The following OR4D1 variants were observed in gnomAD, a reference collection of about 807,000 sequenced individuals.
The protein encoded by OR4D1 is olfactory receptor 4D1.
Under a neutral mutation model 14.2 loss-of-function variants are expected in OR4D1, and 10 were observed. That is an observed-to-expected ratio of 0.71 (90% confidence interval 0.44 to 1.20). The LOEUF (loss-of-function observed/expected upper bound fraction) is 1.20. OR4D1 is among the 50% of genes most tolerant of loss of function. The pLI is 0.00. For synonymous variants in OR4D1, 141 were observed against 147.4 expected (o/e 0.96, Z 0.32); for missense variants, 345 against 376.6 (o/e 0.92, Z 0.70).
rs138082759 is a variant in OR4D1 at position 58,155,318 on chromosome 17, CCA to C, written c.171_172del (p.Pro58HisfsTer30). On this transcript the variant is annotated frameshift_variant, in exon 4 of 4. Coordinates refer to ENST00000268912, the MANE Select transcript of OR4D1 (RefSeq NM_001386095.1). LOFTEE classifies it high-confidence loss of function. ...TCACAGTGACTTTTGACTGCCGGCT[CCA>C]CACACCCATGTATTTTCTGCTCCGA... is the stretch of plus-strand genomic sequence containing the variant. ...MVTVTFDCRLHTPMYFLLRNL... is the reference protein window; with the variant it reads ...MVTVTFDCRLXTPMYFLLRNL... The C allele has an allele frequency of 2.1e-3, 3,428 of 1,614,112 alleles. 52 individuals carry two copies. The African/African-American group carries it at 0.04, about 19-fold the overall frequency.
In OR4D1 at chr17:58,157,580, A is replaced by C; in HGVS notation, c.*1494A>C. 15 of 1,602,730 alleles carry C rather than the reference A, an allele frequency of 9.4e-6. No individual in the cohort carries two copies. Among genetic ancestry groups the C allele is most frequent in the Non-Finnish European group, 1.3e-5 (15 of 1,169,828 alleles). ...GGTCAAAATCTTGTTCCAGAACCGA[A>C]GGGCCAAGACGAAAAGACTGCAGGA... On this transcript the variant is annotated 3_prime_UTR_variant, in exon 4 of 4. Coordinates refer to ENST00000268912, the MANE Select transcript of OR4D1 (RefSeq NM_001386095.1).
At position 58,158,456 on chromosome 17, in the gene OR4D1, C is replaced by G. The variant is rs997059862; in HGVS notation, c.*2370C>G. 2.8e-5 allele frequency: 4 copies of G among 144,206 alleles called. No individual in the cohort carries two copies. Among genetic ancestry groups the G allele is most frequent in the African/African-American group, 5.1e-5 (2 of 39,302 alleles). The allele number at this position is 144,206 out of a possible 1,614,324, so 8.9% of individuals were successfully genotyped here. On this transcript the variant is annotated 3_prime_UTR_variant, in exon 4 of 4. Transcript: ENST00000268912. ...CTATCTCTCCCCACGCCCACCCCCC[C>G]CCCACACACACATTTTTACAGTTTT...
In OR4D1 at chr17:58,156,862, T is replaced by G. The variant is rs181441099; in HGVS notation, c.*776T>G. 2.1e-6 allele frequency: 1 copy of G among 473,040 alleles called. No individual in the cohort carries two copies. The highest frequency in any genetic ancestry group is 3.1e-5 in the Admixed American group (1 of 32,310). The allele number at this position is 473,040 out of a possible 1,614,324, so 29.3% of individuals were successfully genotyped here. On this transcript the variant is annotated 3_prime_UTR_variant, in exon 4 of 4. Coordinates refer to ENST00000268912, the MANE Select transcript of OR4D1 (RefSeq NM_001386095.1). ...TGCTTCATCTTAACTCTGGGACAGTTACATTCTTTTCTGCTCCCCACCTCC... is the reference window on the plus strand; with the variant it reads ...TGCTTCATCTTAACTCTGGGACAGTGACATTCTTTTCTGCTCCCCACCTCC...
At chr17:58,149,030 A>C (rs922559166) in intron 1 of OR4D1, among the ~76,000 whole-genome samples, 14 of 152,180 alleles carry the variant, frequency 9.2e-5, no homozygotes, top group African/African-American at 3.4e-4. Flanking sequence ...ATGACAACAG[A>C]CTAGATTCTA....
chr17:58,152,744 G>A lies in OR4D1; in HGVS notation c.-126-1113G>A, dbSNP rs148814733. Reference sequence around the variant, plus strand: ...GAGCTCAGGAGTTTGAAACCAGCAGGGGCAACATGACAGACCCTGTCTCTA... The same window carrying A: ...GAGCTCAGGAGTTTGAAACCAGCAGAGGCAACATGACAGACCCTGTCTCTA... On this transcript the variant is annotated intron_variant, in intron 2 of 3. Transcript: ENST00000268912. 1.9e-3 allele frequency among the ~76,000 whole-genome samples: 282 copies of A among 152,184 alleles called. 3 individuals carry two copies. The highest frequency in any genetic ancestry group is 6.4e-3 in the African/African-American group (264 of 41,496).
At chr17:58,152,894 C>A (rs1221662166) in intron 2 of OR4D1, among the ~76,000 whole-genome samples, 1 of 152,056 alleles carries the variant, frequency 6.6e-6, no homozygotes, top group Non-Finnish European at 1.5e-5. Context: ...GAGATTGCAC[C>A]ACTGCAGGCC....
intron 2 of OR4D1, among the ~76,000 whole-genome samples, chr17:58,150,191 A>G (rs1967683732): frequency 6.6e-6 from 1 of 150,730 alleles, no homozygotes; most frequent in Admixed American, 6.7e-5. Flanking sequence ...AAAGAAAGGT[A>G]GGAGCCTGTT....
chr17:58,151,244 GA>G (rs1261161282), intron 2 of OR4D1, among the ~76,000 whole-genome samples: 1 of 152,150 alleles, frequency 6.6e-6, no homozygotes, highest in Non-Finnish European at 1.5e-5. Context: ...AAAGGTTGAT[GA>G]AGATCTTTTT....
chr17:58,156,166 T>A lies in OR4D1; in HGVS notation c.*80T>A. On this transcript the variant is annotated 3_prime_UTR_variant, in exon 4 of 4. Transcript: ENST00000268912. ...CATGAAAAATGGAGGAAAGTCTTTA[T>A]AAAGCATAACAAATCAGATTACACT... 1 of 951,590 alleles carries A rather than the reference T, an allele frequency of 1.1e-6. No individual in the cohort carries two copies. The highest frequency in any genetic ancestry group is 1.5e-6 in the Non-Finnish European group (1 of 648,760). 58.9% of individuals were successfully genotyped at this position (951,590 alleles called of 1,614,324 possible). A position where few individuals can be genotyped will look rare whatever the true frequency, so the allele number is the denominator to read the frequency against.
Position 58,157,289 on chromosome 17 carries a change from G to T in OR4D1, c.*1203G>T, listed in dbSNP as rs1967789057. 25 of 1,504,304 alleles carry T rather than the reference G, an allele frequency of 1.7e-5. No homozygotes were observed. Among genetic ancestry groups the T allele is most frequent in the Non-Finnish European group, 2.2e-5 (25 of 1,125,114 alleles). The allele number at this position is 1,504,304 out of a possible 1,614,324, so 93.2% of individuals were successfully genotyped here. ...CGCACAGCCCCGGGCCGCTGATCAA[G>T]CCCTTCGAGACCGCCTCGGTCAAGT... On this transcript the variant is annotated 3_prime_UTR_variant, in exon 4 of 4. Transcript: ENST00000268912.
Position 58,156,376 on chromosome 17 carries a change from C to T in OR4D1, c.*290C>T, listed in dbSNP as rs1316767480. 4 of 281,632 alleles carry T rather than the reference C, an allele frequency of 1.4e-5. No homozygotes were observed. Among genetic ancestry groups the T allele is most frequent in the Admixed American group, 4.8e-5 (1 of 20,704 alleles). 17.4% of individuals were successfully genotyped at this position (281,632 alleles called of 1,614,324 possible). A position where few individuals can be genotyped will look rare whatever the true frequency, so the allele number is the denominator to read the frequency against. On this transcript the variant is annotated 3_prime_UTR_variant, in exon 4 of 4. Transcript: ENST00000268912. ...ATGATTCTCCTGCCTCAGCCTCCCG[C>T]GCAGCTGGGATTACAGGCACCCACC...
At chr17:58,151,554 A>G (rs2143656942) in intron 2 of OR4D1, among the ~76,000 whole-genome samples, 1 of 152,306 alleles carries the variant, frequency 6.6e-6, no homozygotes, top group East Asian at 1.9e-4. Context: ...GCTGAGGATA[A>G]TGGCTTCCAG....
At chr17:58,151,712 A>T (rs1368919557) in intron 2 of OR4D1, among the ~76,000 whole-genome samples, 1 of 152,204 alleles carries the variant, frequency 6.6e-6, no homozygotes, top group African/African-American at 2.4e-5. Flanking sequence ...TCCTTTTAGG[A>T]TATATTTATT....
rs1205883642 is a variant in OR4D1 at position 58,159,085 on chromosome 17, A to G, written c.*2999A>G. On this transcript the variant is annotated 3_prime_UTR_variant, in exon 4 of 4. Coordinates refer to ENST00000268912, the MANE Select transcript of OR4D1 (RefSeq NM_001386095.1). ...GTTATTATATCTTATTCTGAATTAA[A>G]TTAAACATGTTTTATTGCAAAAAAA... is the stretch of plus-strand genomic sequence containing the variant. The G allele has an allele frequency of 3.9e-5, 6 of 152,218 alleles. No homozygotes were observed. The highest frequency in any genetic ancestry group is 1.4e-4 in the African/African-American group (6 of 41,448). 9.4% of individuals were successfully genotyped at this position (152,218 alleles called of 1,614,324 possible).
intron 3 of OR4D1, among the ~76,000 whole-genome samples, chr17:58,154,605 T>C (rs780455498): frequency 6.6e-5 from 10 of 152,206 alleles, no homozygotes; most frequent in Non-Finnish European, 1.0e-4. Context: ...TACATAACAA[T>C]TTTCTTCTAA....
chr17:58,150,762 C>T (rs1022849406), intron 2 of OR4D1, among the ~76,000 whole-genome samples: 3 of 152,136 alleles, frequency 2.0e-5, no homozygotes, highest in South Asian at 2.1e-4. Context: ...TACAGAAGAG[C>T]TTTCCCTTTT....
Position 58,156,028 on chromosome 17 carries a change from A to G in OR4D1, c.875A>G (p.Gln292Arg), listed in dbSNP as rs1374189703. Reference protein sequence around the residue: ...LNPMIYTLRNQDMKAAMRRLG... With the variant: ...LNPMIYTLRNRDMKAAMRRLG... ...CCCATGATCTACACCCTGAGAAACC[A>G]GGACATGAAAGCAGCCATGAGGAGA... Residue 292 changes from glutamine to arginine, a missense_variant, in exon 4 of 4, where the codon CAG (glutamine) becomes CGG (arginine). Coordinates refer to ENST00000268912, the MANE Select transcript of OR4D1 (RefSeq NM_001386095.1). 8.1e-6 allele frequency: 13 copies of G among 1,614,026 alleles called. No individual in the cohort carries two copies. The highest frequency in any genetic ancestry group is 1.1e-5 in the Non-Finnish European group (13 of 1,179,950).
chr17:58,152,575 A>T (rs895205180), intron 2 of OR4D1, among the ~76,000 whole-genome samples: 1 of 152,234 alleles, frequency 6.6e-6, no homozygotes, highest in Non-Finnish European at 1.5e-5. Flanking sequence ...AGACCAAGAC[A>T]TCTTTTCTTT....
chr17:58,157,911 G>A lies in OR4D1; in HGVS notation c.*1825G>A, dbSNP rs1342920376. 3.6e-6 allele frequency: 4 copies of A among 1,115,506 alleles called. No homozygotes were observed. The highest frequency in any genetic ancestry group is 2.7e-6 in the Non-Finnish European group (2 of 746,068). The allele number at this position is 1,115,506 out of a possible 1,614,324, so 69.1% of individuals were successfully genotyped here. ...AATACTCCTGTTCTGCAAACCCTGA[G>A]TGCACCACCCTAAGCGGCTAGGCCG... On this transcript the variant is annotated 3_prime_UTR_variant, in exon 4 of 4. Coordinates refer to ENST00000268912, the MANE Select transcript of OR4D1 (RefSeq NM_001386095.1).
Sources: gnomAD v4.1 joint callset for allele counts (sites outside exome capture counted in the v4.1 genomes callset) on GRCh38, gnomAD v4.1.1 for gene constraint, MANE v1.5 for transcripts, NCBI Gene and HGNC (gene_info 2026-07-23, HGNC 2026-07-21) for gene names.